Variants in PTPRN2 observed in about 807,000 individuals in gnomAD.
PTPRN2 encodes the protein receptor-type tyrosine-protein phosphatase N2.
In PTPRN2, 74 loss-of-function variants were observed where a neutral mutation model predicts 118.8. The ratio of observed to expected loss-of-function variants is 0.62; its 90% CI spans 0.52 to 0.76. PTPRN2 has a LOEUF of 0.76. Among genes scored for constraint, PTPRN2 ranks in the 30% least tolerant of loss-of-function variants. The pLI, the probability that PTPRN2 is intolerant of heterozygous loss-of-function variation, is 0.00. For missense variants in PTPRN2, 1,481 were observed against 1,394.4 expected (o/e 1.06, Z -0.99); for synonymous variants, 641 against 608.0 (o/e 1.05, Z -0.80).
intron 12 of PTPRN2, among the ~76,000 whole-genome samples, chr7:157,872,494 G>A (rs1251816530): frequency 2.0e-5 from 3 of 151,558 alleles, no homozygotes; most frequent in South Asian, 2.1e-4. Flanking sequence ...CATATCCAGT[G>A]TCCTCCCCAC....
At chr7:158,578,376 T>C (rs532717928) in intron 1 of PTPRN2, among the ~76,000 whole-genome samples, 74 of 150,266 alleles carry the variant, frequency 4.9e-4, no homozygotes, top group Non-Finnish European at 9.8e-4. Flanking sequence ...ATCACTTGAG[T>C]CCAGGAGTTC....
At chr7:158,352,744 A>T (rs1808101802) in intron 2 of PTPRN2, among the ~76,000 whole-genome samples, 1 of 152,254 alleles carries the variant, frequency 6.6e-6, no homozygotes, top group Non-Finnish European at 1.5e-5. Context: ...CTTCCCTGCA[A>T]AGAAAACTCT....
intron 13 of PTPRN2, among the ~76,000 whole-genome samples, chr7:157,657,203 T>C (rs1453635399): frequency 3.7e-5 from 3 of 80,642 alleles, no homozygotes; most frequent in African/African-American, 1.0e-4. Context: ...ACCACACACA[T>C]CACACATATA....
At chr7:158,267,514 A>G (rs1797964170) in intron 3 of PTPRN2, among the ~76,000 whole-genome samples, 1 of 152,122 alleles carries the variant, frequency 6.6e-6, no homozygotes, top group Non-Finnish European at 1.5e-5. Context: ...GAGATGATGG[A>G]CGTGGGCTCC....
intron 22 of PTPRN2, among the ~76,000 whole-genome samples, chr7:157,545,225 G>A (rs1418131829): frequency 1.3e-5 from 2 of 149,424 alleles, no homozygotes; most frequent in Non-Finnish European, 3.0e-5. Flanking sequence ...GGTGTGCGCA[G>A]TGTCCGTGGC....
rs140504655 is a variant in PTPRN2 at position 158,302,406 on chromosome 7, G to A, written c.277+14413C>T. Among the ~76,000 whole-genome samples, 450 of 152,366 alleles carry A rather than the reference G, an allele frequency of 3.0e-3. 5 individuals carry two copies. The highest frequency in any genetic ancestry group is 0.011 in the African/African-American group (437 of 41,586). On this transcript the variant is annotated intron_variant, in intron 3 of 22. Transcript: ENST00000389418. ...GGGTCAACCCTGAAGGGGAACCCCA[G>A]CTCCGGCTGCAGAGCACCTCACAGG...
intron 11 of PTPRN2, among the ~76,000 whole-genome samples, chr7:158,055,609 T>C (rs370324164): frequency 3.3e-5 from 5 of 152,290 alleles, no homozygotes; most frequent in South Asian, 2.1e-4. Context: ...AGTAGCAAAT[T>C]TGTGAAAGTA....
In PTPRN2 at chr7:157,656,850, AC is replaced by A. The variant is rs1220895112; in HGVS notation, c.2002-300del. Among the ~76,000 whole-genome samples the A allele has an allele frequency of 3.2e-5, 4 of 124,884 alleles. 1 individual carries two copies. The highest frequency in any genetic ancestry group is 1.1e-4 in the African/African-American group (4 of 36,938). 81.9% of individuals were successfully genotyped at this position (124,884 alleles called of 152,430 possible). On this transcript the variant is annotated intron_variant, in intron 13 of 22. Transcript: ENST00000389418. ...ACACATATACACACACACACCACAC[AC>A]ACACACACATCACACATATATACAC...
At chr7:157,725,024 C>T (rs185168244) in intron 12 of PTPRN2, among the ~76,000 whole-genome samples, 87 of 152,336 alleles carry the variant, frequency 5.7e-4, no homozygotes, top group African/African-American at 1.9e-3. Context: ...ATAAAATTCT[C>T]GTGTCCTTAA....
chr7:158,156,808 G>T (rs114664948), intron 6 of PTPRN2, among the ~76,000 whole-genome samples: 1 of 152,270 alleles, frequency 6.6e-6, no homozygotes, highest in Non-Finnish European at 1.5e-5. Context: ...AACCACCAGC[G>T]TTCAGGTTGG....
chr7:158,258,747 T>C (rs1324129980), intron 3 of PTPRN2, among the ~76,000 whole-genome samples: 1 of 152,244 alleles, frequency 6.6e-6, no homozygotes, highest in Non-Finnish European at 1.5e-5. Flanking sequence ...TTTTCCTTGT[T>C]GCTTCTGTAT....
Position 157,627,495 on chromosome 7 carries a change from C to G in PTPRN2, c.2197-5986G>C, listed in dbSNP as rs554230586. Among the ~76,000 whole-genome samples the G allele has an allele frequency of 7.7e-4, 118 of 152,328 alleles. 1 individual carries two copies. Among genetic ancestry groups the G allele is most frequent in the African/African-American group, 2.7e-3 (111 of 41,578 alleles). The stretch of plus-strand genomic sequence containing the variant: ...GGAAGTTGGAGTTGCTGTCTGTTCC[C>G]TGATCCTTAGGAAGCGTTTGGAGGT... On this transcript the variant is annotated intron_variant, in intron 14 of 22. Coordinates refer to ENST00000389418, the MANE Select transcript of PTPRN2 (RefSeq NM_002847.5). This position sits in a 1 kb window ranked among gnomAD's most constrained non-coding sequence, Gnocchi z 4.2.
chr7:158,410,627 C>T (rs762397364), intron 2 of PTPRN2, among the ~76,000 whole-genome samples: 4 of 152,334 alleles, frequency 2.6e-5, no homozygotes, highest in South Asian at 2.1e-4. Context: ...AACAAAACCA[C>T]GAGTGGCTCT....
chr7:157,659,419 C>A (rs1223538915), intron 13 of PTPRN2, among the ~76,000 whole-genome samples: 1 of 80,228 alleles, frequency 1.2e-5, no homozygotes, highest in Admixed American at 1.8e-4. Context: ...GGGGACTGGG[C>A]GGGAGGTGGA....
At position 157,560,125 on chromosome 7, in the gene PTPRN2, C is replaced by T. The variant is rs561772322; in HGVS notation, c.2902+8777G>A. Reference sequence around the variant, plus strand: ...GTGTCTGCGTGACCATGAGGAGAAGCGGAGGACAGCCCAGGTGAGGACATC... The same window carrying T: ...GTGTCTGCGTGACCATGAGGAGAAGTGGAGGACAGCCCAGGTGAGGACATC... On this transcript the variant is annotated intron_variant, in intron 21 of 22. Coordinates refer to ENST00000389418, the MANE Select transcript of PTPRN2 (RefSeq NM_002847.5). The surrounding 1 kb of genome is among the most constrained non-coding windows in gnomAD (Gnocchi z 6.7). Among the ~76,000 whole-genome samples, 45 of 152,278 alleles carry T rather than the reference C, an allele frequency of 3.0e-4. No individual in the cohort carries two copies. The highest frequency in any genetic ancestry group is 9.4e-4 in the African/African-American group (39 of 41,566).
intron 12 of PTPRN2, among the ~76,000 whole-genome samples, chr7:157,877,958 A>C (rs927963714): frequency 1.3e-5 from 2 of 152,234 alleles, no homozygotes; most frequent in African/African-American, 4.8e-5. Context: ...CTGTAACATA[A>C]TTAACAGCGC....
At chr7:158,135,834 GAGA>G (rs1818756613) in intron 8 of PTPRN2, among the ~76,000 whole-genome samples, 4 of 152,254 alleles carry the variant, frequency 2.6e-5, no homozygotes, top group African/African-American at 9.6e-5. Context: ...AATCTGAGGA[GAGA>G]ATGACTAACC....
rs927869109 is a variant in PTPRN2 at position 158,470,513 on chromosome 7, G to A, written c.163+19222C>T. 4.6e-5 allele frequency among the ~76,000 whole-genome samples: 7 copies of A among 152,212 alleles called. No homozygotes were observed. The South Asian group carries it at 1.2e-3, about 27-fold the overall frequency. ...CAACCTGTGTGGGTACAAGCAAGAC[G>A]TGGTGTGTCCCTCGACGGAGCACGA... On this transcript the variant is annotated intron_variant, in intron 2 of 22. Transcript: ENST00000389418.
chr7:158,160,633 C>T (rs1168793997), intron 6 of PTPRN2, among the ~76,000 whole-genome samples: 1 of 152,206 alleles, frequency 6.6e-6, no homozygotes, highest in African/African-American at 2.4e-5. Flanking sequence ...GGGTTTTTGA[C>T]TCATCTTGTC....
Sources: gnomAD v4.1 joint callset for allele counts (sites outside exome capture counted in the v4.1 genomes callset) on GRCh38, gnomAD v4.1.1 for gene constraint, Gnocchi (gnomAD v3.1) non-coding constraint, MANE v1.5 for transcripts, NCBI Gene and HGNC (gene_info 2026-07-23, HGNC 2026-07-21) for gene names.